PALM2AKAP2: variants seen among roughly 807,000 people sequenced by gnomAD.
The protein encoded by PALM2AKAP2 is PALM2 and AKAP2 fusion.
A neutral mutation model predicts 71.5 loss-of-function variants in PALM2AKAP2; 37 were observed. The observed-to-expected ratio is 0.52, with a 90% confidence interval of 0.40 to 0.68. PALM2AKAP2 has a LOEUF of 0.68. Ranked by LOEUF, PALM2AKAP2 falls within the 30% of genes least tolerant of loss-of-function variation. PALM2AKAP2 has a pLI of 0.00. For missense variants in PALM2AKAP2, 1,224 were observed against 1,191.8 expected (o/e 1.03, Z -0.40); for synonymous variants, 468 against 478.8 (o/e 0.98, Z 0.29).
chr9:110,037,522 A>G (rs1489856526), intron 7 of PALM2AKAP2, among the ~76,000 whole-genome samples: 1 of 152,232 alleles, frequency 6.6e-6, no homozygotes, highest in Non-Finnish European at 1.5e-5. Context: ...ACAAATATTT[A>G]ATGAGCACCT....
intron 6 of PALM2AKAP2, among the ~76,000 whole-genome samples, chr9:109,964,330 T>C (rs940836344): frequency 1.3e-5 from 2 of 152,100 alleles, no homozygotes; most frequent in African/African-American, 2.4e-5. Flanking sequence ...GTGAAGAAGA[T>C]TGAAGGTTTT....
chr9:110,003,387 G>T (rs1172951389), intron 6 of PALM2AKAP2, among the ~76,000 whole-genome samples: 2 of 152,156 alleles, frequency 1.3e-5, no homozygotes, highest in African/African-American at 4.8e-5. Context: ...TTGCACTGTG[G>T]TCTGAGAGAG....
intron 1 of PALM2AKAP2, among the ~76,000 whole-genome samples, chr9:110,135,226 A>G (rs1835832956): frequency 8.8e-6 from 1 of 113,352 alleles, no homozygotes; most frequent in Non-Finnish European, 1.8e-5. Context: ...CGGTAGTCCC[A>G]GGAGGTAGAG....
chr9:110,067,245 T>C (rs1834100617), intron 1 of PALM2AKAP2, among the ~76,000 whole-genome samples: 1 of 152,184 alleles, frequency 6.6e-6, no homozygotes, highest in Non-Finnish European at 1.5e-5. Context: ...ATTTAGATTA[T>C]TTAAATCTCA....
intron 1 of PALM2AKAP2, among the ~76,000 whole-genome samples, chr9:109,742,836 A>G (rs1828735002): frequency 6.6e-6 from 1 of 152,160 alleles, no homozygotes; most frequent in South Asian, 2.1e-4. Flanking sequence ...CAGCACTCTC[A>G]ACTTCCCTTG....
At chr9:110,086,907 C>A (rs1834587205) in intron 1 of PALM2AKAP2, among the ~76,000 whole-genome samples, 1 of 152,178 alleles carries the variant, frequency 6.6e-6, no homozygotes, top group Non-Finnish European at 1.5e-5. Context: ...GCATTCAAAG[C>A]CTAGGTGGTC....
At chr9:110,102,404 A>G (rs1331618630) in intron 1 of PALM2AKAP2, among the ~76,000 whole-genome samples, 4 of 152,200 alleles carry the variant, frequency 2.6e-5, no homozygotes, top group Non-Finnish European at 5.9e-5. Flanking sequence ...TCAAGCAGAG[A>G]ATATATTTGT....
At chr9:110,147,448 G>C (rs922961457) in intron 2 of PALM2AKAP2, among the ~76,000 whole-genome samples, 2 of 152,096 alleles carry the variant, frequency 1.3e-5, no homozygotes, top group African/African-American at 4.8e-5. Context: ...TTGAGACAGG[G>C]CCTGGTACAT....
intron 6 of PALM2AKAP2, among the ~76,000 whole-genome samples, chr9:109,986,232 T>C (rs78608237): frequency 6.7e-6 from 1 of 149,628 alleles, no homozygotes; most frequent in East Asian, 2.0e-4. Flanking sequence ...GTGTATTTGA[T>C]TGAATGTAAT....
At chr9:110,168,691 C>G in exon 4 of PALM2AKAP2, 1 of 659,512 alleles carries the variant, frequency 1.5e-6, no homozygotes, top group Non-Finnish European at 2.4e-6. Flanking sequence ...CTCTGGACAC[C>G]CAGGAATCAA....
At chr9:110,123,071 C>A (rs1835524902) in intron 1 of PALM2AKAP2, among the ~76,000 whole-genome samples, 2 of 152,202 alleles carry the variant, frequency 1.3e-5, no homozygotes, top group South Asian at 4.1e-4. Context: ...ATTTATCTAA[C>A]CTCAACCCTA....
intron 6 of PALM2AKAP2, among the ~76,000 whole-genome samples, chr9:109,961,503 G>C (rs562336724): frequency 2.3e-4 from 32 of 141,102 alleles, no homozygotes; most frequent in African/African-American, 8.2e-4. Flanking sequence ...GTTATTGAGT[G>C]GCCACTTAGA....
At chr9:109,768,716 TA>T (rs1829203265) in intron 1 of PALM2AKAP2, among the ~76,000 whole-genome samples, 2 of 152,204 alleles carry the variant, frequency 1.3e-5, no homozygotes, top group African/African-American at 4.8e-5. Context: ...AAAATTCAGA[TA>T]ATAATAGTGC....
chr9:109,869,867 G>C (rs569651769), intron 2 of PALM2AKAP2, among the ~76,000 whole-genome samples: 122 of 152,288 alleles, frequency 8.0e-4, no homozygotes, highest in African/African-American at 2.8e-3. Context: ...GCTATTGCAG[G>C]GCAGGAGGTG....
At chr9:109,947,683 C>G (rs1831542710) in intron 6 of PALM2AKAP2, among the ~76,000 whole-genome samples, 2 of 152,218 alleles carry the variant, frequency 1.3e-5, no homozygotes, top group Admixed American at 1.3e-4. Flanking sequence ...CTCTGCTCAT[C>G]CCTGGACCCA....
At chr9:109,791,943 T>G (rs1008069815) in intron 1 of PALM2AKAP2, among the ~76,000 whole-genome samples, 3 of 152,212 alleles carry the variant, frequency 2.0e-5, no homozygotes, top group Non-Finnish European at 4.4e-5. Flanking sequence ...ATTTGTTCCC[T>G]GTCTCAATGA....
At chr9:109,881,445 G>A (rs923662317) in intron 3 of PALM2AKAP2, among the ~76,000 whole-genome samples, 4 of 152,160 alleles carry the variant, frequency 2.6e-5, no homozygotes, top group South Asian at 2.1e-4. Context: ...TGGTCAATTC[G>A]AAATGTGAAA....
chr9:110,109,155 TGAAAATA>T (rs1835181553), intron 1 of PALM2AKAP2, among the ~76,000 whole-genome samples: 1 of 151,486 alleles, frequency 6.6e-6, no homozygotes, highest in African/African-American at 2.4e-5. Flanking sequence ...CTGTCTCTAC[TGAAAATA>T]GAAAATTAGC....
chr9:109,905,359 G>C (rs1049883760), intron 3 of PALM2AKAP2, among the ~76,000 whole-genome samples: 11 of 151,264 alleles, frequency 7.3e-5, no homozygotes, highest in African/African-American at 2.7e-4. Context: ...CCAGGGCCAG[G>C]ATACAGATAC....
Sources: allele counts gnomAD v4.1 joint callset (sites outside exome capture counted in the v4.1 genomes callset), GRCh38; gene constraint gnomAD v4.1.1; transcripts MANE v1.5; gene names NCBI Gene and HGNC (gene_info 2026-07-23, HGNC 2026-07-21).